The following PRR16 variants were observed in gnomAD, a reference collection of about 807,000 sequenced individuals.
PRR16 encodes the protein proline rich 16.
In PRR16, 6 loss-of-function variants were observed where a neutral mutation model predicts 18.2. The observed-to-expected ratio is 0.33, with a 90% confidence interval of 0.18 to 0.65. The LOEUF is 0.65. Ranked by LOEUF, PRR16 falls within the 30% of genes least tolerant of loss-of-function variation. The pLI, the probability that PRR16 is intolerant of heterozygous loss-of-function variation, is 0.74. For synonymous variants in PRR16, 151 were observed against 147.8 expected (o/e 1.02, Z -0.16); for missense variants, 412 against 376.6 (o/e 1.09, Z -0.78).
At chr5:120,617,195 C>T (rs1754540997) in intron 1 of PRR16, 1 of 984,112 alleles carries the variant, frequency 1.0e-6, no homozygotes, top group East Asian at 1.1e-4. Context: ...CCAAGAAGGT[C>T]AGCCCCACCT....
chr5:120,632,128 G>A lies in PRR16; in HGVS notation c.160-53826G>A, dbSNP rs1338577017. Among the ~76,000 whole-genome samples, 19 of 152,226 alleles carry A rather than the reference G, an allele frequency of 1.2e-4. No homozygotes were observed. The East Asian group carries it at 3.7e-3, about 29-fold the overall frequency. ...CTCTGCTGGATGGCTAGGCCCAGAA[G>A]AACAAAAACAATTACTACAGTTTTA... On this transcript the variant is annotated intron_variant, in intron 1 of 1. Coordinates refer to ENST00000407149, the MANE Select transcript of PRR16 (RefSeq NM_001300783.2).
At chr5:120,772,585 T>TTC in the PRR16 span, among the ~76,000 whole-genome samples, 41,091 of 151,876 alleles carry the variant, frequency 0.27, 5,894 homozygotes, top group Non-Finnish European at 0.32. Context: ...AACTTCTTTA[T>TTC]TCTTTCTCAC....
At chr5:120,481,463 CCA>C (rs1436612359) in intron 1 of PRR16, among the ~76,000 whole-genome samples, 5 of 152,000 alleles carry the variant, frequency 3.3e-5, no homozygotes, top group Non-Finnish European at 7.4e-5. Flanking sequence ...GATGTTGTTT[CCA>C]TGATTAGTAT....
Position 120,490,146 on chromosome 5 carries a change from C to T in PRR16, c.159+25501C>T, listed in dbSNP as rs529797062. Among the ~76,000 whole-genome samples, 12 of 152,132 alleles carry T rather than the reference C, an allele frequency of 7.9e-5. No individual in the cohort carries two copies. In the South Asian group the frequency reaches 1.5e-3, roughly 18 times the overall value. ...TTATGTGTCTTGGAGTTGCTGTTCT[C>T]GAGGAGTATCTTTGTGGCGTTCTCT... On this transcript the variant is annotated intron_variant, in intron 1 of 1. Coordinates refer to ENST00000407149, the MANE Select transcript of PRR16 (RefSeq NM_001300783.2).
At chr5:120,771,623 G>A in the PRR16 span, among the ~76,000 whole-genome samples, 1 of 152,042 alleles carries the variant, frequency 6.6e-6, no homozygotes, top group Non-Finnish European at 1.5e-5. Context: ...GAACTTTTAT[G>A]CAAAGGAGAT....
chr5:120,736,507 C>T, the PRR16 span, among the ~76,000 whole-genome samples: 12 of 149,278 alleles, frequency 8.0e-5, no homozygotes, highest in Admixed American at 6.0e-4. Flanking sequence ...TCAAGTGACC[C>T]GCCCTCCTCG....
chr5:120,605,517 A>T (rs1045512262), intron 1 of PRR16, among the ~76,000 whole-genome samples: 1 of 152,080 alleles, frequency 6.6e-6, no homozygotes, highest in Admixed American at 6.5e-5. Flanking sequence ...CTGTGTTGCC[A>T]TTTCAGCCAT....
At chr5:120,680,806 G>T (rs1213368414) in intron 1 of PRR16, among the ~76,000 whole-genome samples, 1 of 152,088 alleles carries the variant, frequency 6.6e-6, no homozygotes, top group East Asian at 1.9e-4. Context: ...CTGAGTGTGT[G>T]GTTTTTAGTG....
the PRR16 span, among the ~76,000 whole-genome samples, chr5:120,703,081 T>C: frequency 1.3e-5 from 2 of 151,454 alleles, no homozygotes; most frequent in African/African-American, 4.9e-5. Context: ...GAGATAAGGG[T>C]GGGGCCATTT....
chr5:120,786,527 TTATA>T, the PRR16 span, among the ~76,000 whole-genome samples: 1 of 121,464 alleles, frequency 8.2e-6, no homozygotes, highest in Non-Finnish European at 1.8e-5. Flanking sequence ...AAATTGTATA[TTATA>T]TATATTATTT....
the PRR16 span, among the ~76,000 whole-genome samples, chr5:120,755,253 G>C: frequency 2.0e-5 from 3 of 151,954 alleles, no homozygotes; most frequent in Non-Finnish European, 2.9e-5. Context: ...TTTTATTTTA[G>C]ATTCAAGGGA....
intron 1 of PRR16, among the ~76,000 whole-genome samples, chr5:120,657,208 A>T (rs1228432498): frequency 6.6e-6 from 1 of 151,922 alleles, no homozygotes; most frequent in Non-Finnish European, 1.5e-5. Flanking sequence ...TGTTTAAGGG[A>T]GACAAACAAT....
chr5:120,603,778 T>C (rs1185257625), intron 1 of PRR16, among the ~76,000 whole-genome samples: 3 of 152,006 alleles, frequency 2.0e-5, no homozygotes, highest in Non-Finnish European at 4.4e-5. Context: ...TAGTTTCAAA[T>C]AATTTTTATT....
chr5:120,784,286 C>T, the PRR16 span, among the ~76,000 whole-genome samples: 3 of 152,138 alleles, frequency 2.0e-5, no homozygotes, highest in Admixed American at 1.3e-4. Flanking sequence ...ATTCTTCATA[C>T]TATTTTTCAT....
At chr5:120,690,877 A>C (rs983023472), downstream of PRR16, among the ~76,000 whole-genome samples, 8 of 152,148 alleles carry the variant, frequency 5.3e-5, no homozygotes, top group South Asian at 4.1e-4. Flanking sequence ...GGAAAAAAAA[A>C]CCTGAAGTGT....
chr5:120,653,850 G>A (rs1368932628), intron 1 of PRR16, among the ~76,000 whole-genome samples: 1 of 151,978 alleles, frequency 6.6e-6, no homozygotes, highest in Admixed American at 6.6e-5. Context: ...TTTTAAAAGT[G>A]AGTAATGCCT....
chr5:120,700,112 G>C, the PRR16 span, among the ~76,000 whole-genome samples: 1 of 152,158 alleles, frequency 6.6e-6, no homozygotes, highest in South Asian at 2.1e-4. Context: ...GGCAGGTATT[G>C]AGGATAGGAG....
chr5:120,662,563 C>T (rs1756212743), intron 1 of PRR16, among the ~76,000 whole-genome samples: 1 of 152,102 alleles, frequency 6.6e-6, no homozygotes, highest in Non-Finnish European at 1.5e-5. Flanking sequence ...AGCTCTTCAT[C>T]TGCATTTTGC....
rs571956219 is a variant in PRR16 at position 120,636,783 on chromosome 5, G to A, written c.160-49171G>A. ...CAACAAAAACGAAGAAAAATAGATG[G>A]GACTTAATTAAACTAAAAAGCTTCT... On this transcript the variant is annotated intron_variant, in intron 1 of 1. Coordinates refer to ENST00000407149, the MANE Select transcript of PRR16 (RefSeq NM_001300783.2). Among the ~76,000 whole-genome samples the A allele has an allele frequency of 2.0e-5, 3 of 151,918 alleles. No individual in the cohort carries two copies. The East Asian group carries it at 5.8e-4, about 29-fold the overall frequency.
Sources: gnomAD v4.1 joint callset for allele counts (sites outside exome capture counted in the v4.1 genomes callset) on GRCh38, gnomAD v4.1.1 for gene constraint, MANE v1.5 for transcripts, NCBI Gene and HGNC (gene_info 2026-07-23, HGNC 2026-07-21) for gene names.